Variants in LCLAT1 observed in about 807,000 individuals in gnomAD.
LCLAT1 encodes lysocardiolipin acyltransferase 1.
In LCLAT1, 11 loss-of-function variants were observed where a neutral mutation model predicts 30.7. The observed-to-expected ratio is 0.36, with a 90% CI of 0.23 to 0.59. The LOEUF (loss-of-function observed/expected upper bound fraction) is 0.59, where lower values mean the gene tolerates loss of function less well. Among genes scored for constraint, LCLAT1 ranks in the 20% least tolerant of loss-of-function variants. LCLAT1 has a pLI of 0.77. For synonymous variants in LCLAT1, 155 were observed against 151.3 expected (o/e 1.02, Z -0.18); for missense variants, 402 against 458.6 (o/e 0.88, Z 1.13).
intron 1 of LCLAT1, among the ~76,000 whole-genome samples, chr2:30,477,212 GTTGTCCTTT>G (rs1454990747): frequency 1.3e-5 from 2 of 152,140 alleles, no homozygotes; most frequent in Non-Finnish European, 2.9e-5. Flanking sequence ...TAGGATAGCT[GTTGTCCTTT>G]TTGTTTTTAT....
chr2:30,476,165 A>G (rs1339523911), intron 1 of LCLAT1, among the ~76,000 whole-genome samples: 3 of 152,130 alleles, frequency 2.0e-5, no homozygotes, highest in Non-Finnish European at 4.4e-5. Context: ...TTGAAGATTT[A>G]CTCTGTTCCT....
chr2:30,518,014 A>G (rs530083677), intron 1 of LCLAT1, among the ~76,000 whole-genome samples: 20 of 152,218 alleles, frequency 1.3e-4, no homozygotes, highest in Non-Finnish European at 2.9e-4. Context: ...AATGCATTCA[A>G]TCTGTAGCAG....
chr2:30,568,599 C>T (rs1231581290), intron 5 of LCLAT1, among the ~76,000 whole-genome samples: 1 of 149,598 alleles, frequency 6.7e-6, no homozygotes, highest in East Asian at 2.0e-4. Flanking sequence ...GCTCTGCCTC[C>T]CAGGTTCCCG....
intron 3 of LCLAT1, among the ~76,000 whole-genome samples, chr2:30,553,335 C>T (rs1051289486): frequency 2.0e-4 from 30 of 151,880 alleles, no homozygotes; most frequent in Admixed American, 6.6e-4. Flanking sequence ...TAGAGTATGC[C>T]GAGGGATTAT....
chr2:30,627,660 T>C (rs1182108754), intron 5 of LCLAT1, among the ~76,000 whole-genome samples: 1 of 152,146 alleles, frequency 6.6e-6, no homozygotes, highest in East Asian at 1.9e-4. Flanking sequence ...ACTATAATTT[T>C]ATTATTTTTC....
intron 1 of LCLAT1, among the ~76,000 whole-genome samples, chr2:30,457,890 C>T (rs115694611): frequency 6.6e-6 from 1 of 152,060 alleles, no homozygotes; most frequent in African/African-American, 2.4e-5. Flanking sequence ...GTATTATTTT[C>T]TTTGCATGGT....
At chr2:30,560,230 T>C (rs1295151764) in intron 3 of LCLAT1, among the ~76,000 whole-genome samples, 1 of 152,184 alleles carries the variant, frequency 6.6e-6, no homozygotes, top group Non-Finnish European at 1.5e-5. Context: ...TGCTTATTTA[T>C]ATATGTAAAA....
At chr2:30,520,590 A>T (rs1472487363) in intron 1 of LCLAT1, among the ~76,000 whole-genome samples, 1 of 152,188 alleles carries the variant, frequency 6.6e-6, no homozygotes, top group Non-Finnish European at 1.5e-5. Context: ...AAATTAAGGT[A>T]ATGAAAATAC....
intron 1 of LCLAT1, among the ~76,000 whole-genome samples, chr2:30,487,546 C>T (rs1341972741): frequency 6.6e-6 from 1 of 152,100 alleles, no homozygotes; most frequent in Non-Finnish European, 1.5e-5. Flanking sequence ...ATCTGCCTTT[C>T]AGAGTTAACA....
intron 1 of LCLAT1, among the ~76,000 whole-genome samples, chr2:30,452,541 A>G (rs1475854855): frequency 6.6e-6 from 1 of 152,234 alleles, no homozygotes; most frequent in Non-Finnish European, 1.5e-5. Flanking sequence ...GAATTAATGC[A>G]CAGTTGCAAA....
chr2:30,510,337 A>G (rs913650613), intron 1 of LCLAT1, among the ~76,000 whole-genome samples: 2 of 151,878 alleles, frequency 1.3e-5, no homozygotes, highest in African/African-American at 4.8e-5. Context: ...TCTACCAACT[A>G]CTCTAACACT....
chr2:30,582,692 C>T (rs1666257417), intron 5 of LCLAT1, among the ~76,000 whole-genome samples: 1 of 152,216 alleles, frequency 6.6e-6, no homozygotes, highest in Admixed American at 6.5e-5. Flanking sequence ...CACTCACTGA[C>T]TCACCGTGCT....
intron 3 of LCLAT1, chr2:30,552,513 A>G (rs545941870): frequency 1.9e-4 from 84 of 449,076 alleles, no homozygotes; most frequent in African/African-American, 1.4e-3. Context: ...TTTGAAACCT[A>G]ATGATACAGG....
intron 5 of LCLAT1, among the ~76,000 whole-genome samples, chr2:30,583,278 G>A (rs1438428792): frequency 6.6e-6 from 1 of 152,096 alleles, no homozygotes; most frequent in African/African-American, 2.4e-5. Flanking sequence ...GCTATCTTGG[G>A]AATAGAGATA....
chr2:30,493,253 A>C (rs1299300240), intron 1 of LCLAT1, among the ~76,000 whole-genome samples: 1 of 152,206 alleles, frequency 6.6e-6, no homozygotes, highest in African/African-American at 2.4e-5. Context: ...AAACTCAAGG[A>C]AATTTGTAAG....
chr2:30,499,337 C>A (rs967191773), intron 1 of LCLAT1, among the ~76,000 whole-genome samples: 3 of 152,256 alleles, frequency 2.0e-5, no homozygotes, highest in African/African-American at 7.2e-5. Context: ...CCCGCCATCA[C>A]GCCCAGCTAA....
At chr2:30,453,430 T>G (rs1662958) in intron 1 of LCLAT1, among the ~76,000 whole-genome samples, 33,807 of 152,192 alleles carry the variant, frequency 0.22, 3,840 homozygotes, top group East Asian at 0.34. Context: ...TACCATTTCT[T>G]CTTTCATAAT....
intron 5 of LCLAT1, among the ~76,000 whole-genome samples, chr2:30,581,964 C>G (rs2148467014): frequency 6.6e-6 from 1 of 152,310 alleles, no homozygotes; most frequent in Non-Finnish European, 1.5e-5. Flanking sequence ...AGTTACTGAT[C>G]TGATCATTAC....
chr2:30,478,971 T>C (rs1286879674), intron 1 of LCLAT1, among the ~76,000 whole-genome samples: 1 of 152,188 alleles, frequency 6.6e-6, no homozygotes, highest in Non-Finnish European at 1.5e-5. Context: ...TTTTTTTCCC[T>C]TTTTAGGGCC....
Sources: gnomAD v4.1 joint callset for allele counts (sites outside exome capture counted in the v4.1 genomes callset) on GRCh38, gnomAD v4.1.1 for gene constraint, MANE v1.5 for transcripts, NCBI Gene and HGNC (gene_info 2026-07-23, HGNC 2026-07-21) for gene names.